Variants in ETNK1 observed in about 807,000 individuals in gnomAD.
ETNK1 encodes the protein ethanolamine kinase 1.
ETNK1 carries 8 observed loss-of-function variants against 45.1 expected under a neutral mutation model. The observed-to-expected ratio is 0.18, with a 90% CI of 0.10 to 0.32. ETNK1 has a LOEUF of 0.32. ETNK1 is among the 10% of genes least tolerant of loss of function. ETNK1 has a pLI of 1.00. For missense variants in ETNK1, 302 were observed against 430.6 expected, an observed-to-expected ratio of 0.70 and a Z score of 2.64; for synonymous variants, 152 against 151.9, an observed-to-expected ratio of 1.00 and a Z score of -0.01.
intron 1 of ETNK1, among the ~76,000 whole-genome samples, chr12:22,633,973 T>C (rs907480758): frequency 1.3e-5 from 2 of 152,160 alleles, no homozygotes; most frequent in African/African-American, 4.8e-5. Flanking sequence ...TAAGGACCTC[T>C]CTAACACACT....
At chr12:22,680,896 G>T (rs185491) in intron 6 of ETNK1, among the ~76,000 whole-genome samples, 2,303 of 50,000 alleles carry the variant, frequency 0.046, 295 homozygotes, top group African/African-American at 0.11. Flanking sequence ...TTCTTCCCCC[G>T]CCCCCCCCTC....
intron 2 of ETNK1, among the ~76,000 whole-genome samples, chr12:22,647,183 A>G (rs1953818069): frequency 6.6e-6 from 1 of 151,808 alleles, no homozygotes; most frequent in African/African-American, 2.4e-5. Context: ...GTGTTTAGAA[A>G]TTTTTTCAAA....
intron 6 of ETNK1, among the ~76,000 whole-genome samples, chr12:22,675,282 T>G (rs1248569456): frequency 6.6e-6 from 1 of 151,858 alleles, no homozygotes; most frequent in Non-Finnish European, 1.5e-5. Context: ...GGTCTTGAAC[T>G]CCTGGGCCTA....
chr12:22,639,178 TTTG>T (rs151127208), intron 1 of ETNK1, among the ~76,000 whole-genome samples: 3,607 of 152,250 alleles, frequency 0.024, 118 homozygotes, highest in African/African-American at 0.07. Flanking sequence ...TTGTATATTT[TTTG>T]TTGTTCTTCT....
intron 6 of ETNK1, among the ~76,000 whole-genome samples, chr12:22,677,643 C>T (rs1954174564): frequency 2.6e-5 from 4 of 152,310 alleles, no homozygotes; most frequent in African/African-American, 9.6e-5. Flanking sequence ...TATCTATGAG[C>T]ATGGAATGTT....
chr12:22,625,548 C>T lies in ETNK1; in HGVS notation c.118C>T (p.Leu40=), dbSNP rs768403929. The change falls in exon 1 of 8, where the codon CTG becomes TTG. Residue 40 remains leucine (L), a synonymous_variant. Transcript: ENST00000266517. The stretch of plus-strand genomic sequence containing the variant: ...GGGGGCCCTGAGCCTCCTGCAACAC[C>T]TGCGGCCTCACTGGGACCCCCAGGA... ...REGALSLLQH[L]RPHWDPQEVT... The T allele has an allele frequency of 6.2e-7, 1 of 1,603,776 alleles. No individual in the cohort carries two copies.
At chr12:22,667,926 G>A (rs182966549) in intron 4 of ETNK1, among the ~76,000 whole-genome samples, 10 of 152,224 alleles carry the variant, frequency 6.6e-5, no homozygotes, top group African/African-American at 2.4e-4. Context: ...ATTTGATTAC[G>A]CTGATAAAGA....
At chr12:22,630,093 G>A (rs1440929513) in intron 1 of ETNK1, among the ~76,000 whole-genome samples, 1 of 152,198 alleles carries the variant, frequency 6.6e-6, no homozygotes, top group East Asian at 1.9e-4. Context: ...TGGGGACTGA[G>A]CATAATGTGG....
intron 1 of ETNK1, among the ~76,000 whole-genome samples, chr12:22,638,274 C>A (rs112165395): frequency 0.078 from 11,514 of 147,234 alleles, 511 homozygotes; most frequent in South Asian, 0.14. Context: ...TTTTTTGAGA[C>A]GGAGTCTCAC....
In ETNK1 at chr12:22,685,075, A is replaced by G; in HGVS notation, c.*121A>G. On this transcript the variant is annotated 3_prime_UTR_variant, in exon 8 of 8. Transcript: ENST00000266517. Reference sequence around the variant, plus strand: ...TTAATTTGGTTATCTTGCTTTATAAATTATGCCTCTAAACAATCAAATCTA... The same window carrying G: ...TTAATTTGGTTATCTTGCTTTATAAGTTATGCCTCTAAACAATCAAATCTA... 1.5e-6 allele frequency: 1 copy of G among 647,998 alleles called. No individual in the cohort carries two copies. Among genetic ancestry groups the G allele is most frequent in the Non-Finnish European group, 2.6e-6 (1 of 386,218 alleles). 40.1% of individuals were successfully genotyped at this position (647,998 alleles called of 1,614,324 possible).
At chr12:22,658,308 C>G (rs568039855) in intron 2 of ETNK1, among the ~76,000 whole-genome samples, 2 of 152,268 alleles carry the variant, frequency 1.3e-5, no homozygotes, top group South Asian at 2.1e-4. Flanking sequence ...GGACTCCAAT[C>G]TAGTTTCAGA....
At chr12:22,635,269 T>A (rs12299764) in intron 1 of ETNK1, among the ~76,000 whole-genome samples, 8,956 of 152,282 alleles carry the variant, frequency 0.059, 837 homozygotes, top group African/African-American at 0.2. Context: ...TGGCTCACCT[T>A]CAGTATCTCC....
At chr12:22,677,048 A>G (rs555427031) in intron 6 of ETNK1, among the ~76,000 whole-genome samples, 5 of 152,156 alleles carry the variant, frequency 3.3e-5, no homozygotes, top group Non-Finnish European at 7.4e-5. Flanking sequence ...TTTGGTTGCC[A>G]TTGCTTTTGG....
At chr12:22,635,713 AT>A (rs1565862841) in intron 1 of ETNK1, among the ~76,000 whole-genome samples, 1 of 152,218 alleles carries the variant, frequency 6.6e-6, no homozygotes, top group Non-Finnish European at 1.5e-5. Flanking sequence ...AAAAATTGTT[AT>A]AAAAACATAA....
At chr12:22,646,903 A>G (rs1486493725) in intron 2 of ETNK1, among the ~76,000 whole-genome samples, 2 of 151,852 alleles carry the variant, frequency 1.3e-5, no homozygotes, top group Admixed American at 6.6e-5. Context: ...TGTACAAAGA[A>G]GAACAGAAAA....
Position 22,671,183 on chromosome 12 carries a change from T to C in ETNK1, c.701-89T>C, listed in dbSNP as rs527828285. 4 of 919,860 alleles carry C rather than the reference T, an allele frequency of 4.3e-6. No homozygotes were observed. The African/African-American group carries it at 6.5e-5, about 15-fold the overall frequency. 57.0% of individuals were successfully genotyped at this position (919,860 alleles called of 1,614,324 possible). A position where few individuals can be genotyped will look rare whatever the true frequency, so the allele number is the denominator to read the frequency against. On this transcript the variant is annotated intron_variant, in intron 4 of 7. Coordinates refer to ENST00000266517, the MANE Select transcript of ETNK1 (RefSeq NM_018638.5). ...ATCAAGCACGTACAATGAGACAAAATATTGGAAGCTATTTAATTACAAATA... is the reference window on the plus strand; with the variant it reads ...ATCAAGCACGTACAATGAGACAAAACATTGGAAGCTATTTAATTACAAATA...
At chr12:22,644,687 T>C (rs1953784289) in intron 2 of ETNK1, 1 of 153,152 alleles carries the variant, frequency 6.5e-6, no homozygotes, top group East Asian at 1.9e-4. Context: ...TTTACCATAT[T>C]AGATATTAAA....
In ETNK1 at chr12:22,687,828, A is replaced by G. The variant is rs1054628256; in HGVS notation, c.*2874A>G. The G allele has an allele frequency of 6.6e-6, 1 of 152,318 alleles. No individual in the cohort carries two copies. The highest frequency in any genetic ancestry group is 1.5e-5 in the Non-Finnish European group (1 of 67,800). The allele number at this position is 152,318 out of a possible 1,614,324, so 9.4% of individuals were successfully genotyped here. ...TTCCCTTTTGTAGAAATTTTTCTGT[A>G]AGGAAATGATTCAGCTTGTTGGTTT... On this transcript the variant is annotated 3_prime_UTR_variant, in exon 8 of 8. Transcript: ENST00000266517.
chr12:22,639,103 C>T (rs1953695717), intron 1 of ETNK1, among the ~76,000 whole-genome samples: 1 of 152,154 alleles, frequency 6.6e-6, no homozygotes, highest in Non-Finnish European at 1.5e-5. Context: ...CCTCTTTAAA[C>T]TAGACTGTAT....
Sources: allele counts gnomAD v4.1 joint callset (sites outside exome capture counted in the v4.1 genomes callset), GRCh38; gene constraint gnomAD v4.1.1; transcripts MANE v1.5; gene names NCBI Gene and HGNC (gene_info 2026-07-23, HGNC 2026-07-21).